B4GALNT3: variants seen among roughly 807,000 people sequenced by gnomAD.
The protein encoded by B4GALNT3 is beta-1,4-N-acetyl-galactosaminyltransferase 3, also known as beta-1,4-N-acetylgalactosaminyltransferase 3.
A neutral mutation model predicts 120.2 loss-of-function variants in B4GALNT3; 86 were observed. The observed-to-expected ratio is 0.72, with a 90% CI of 0.60 to 0.86. The LOEUF is 0.86. Among genes scored for constraint, B4GALNT3 ranks in the 40% least tolerant of loss-of-function variants. The probability of loss-of-function intolerance (pLI) is 0.00; values close to 1 mark genes in which losing one functional copy is unlikely to be tolerated. For synonymous variants in B4GALNT3, 518 were observed against 510.4 expected (o/e 1.01, Z -0.20); for missense variants, 1,167 against 1,298.9 (o/e 0.90, Z 1.56).
chr12:553,754 G>C lies in B4GALNT3; in HGVS notation c.1831G>C (p.Glu611Gln). The part of the protein sequence containing the change: ...GQVEGEEEGE[E>Q]EEEEEDMSEV... ...AGTGGAGGGAGAGGAAGAGGGGGAAGAAGAGGAGGAGGAAGAGGATATGAG... is the reference window on the plus strand; with the variant it reads ...AGTGGAGGGAGAGGAAGAGGGGGAACAAGAGGAGGAGGAAGAGGATATGAG... Residue 611 changes from glutamate (E) to glutamine (Q), a missense_variant, in exon 14 of 20, where the codon GAA becomes CAA. Transcript: ENST00000266383. 6.2e-7 allele frequency: 1 copy of C among 1,614,224 alleles called. No individual in the cohort carries two copies. The highest frequency in any genetic ancestry group is 8.5e-7 in the Non-Finnish European group (1 of 1,180,008).
intron 1 of B4GALNT3, among the ~76,000 whole-genome samples, chr12:506,882 C>T (rs552174704): frequency 3.3e-5 from 5 of 152,310 alleles, no homozygotes; most frequent in East Asian, 1.9e-4. Flanking sequence ...GTGATCCGCC[C>T]GCCTCGGCCT....
At chr12:509,470 C>T (rs759681558) in intron 1 of B4GALNT3, among the ~76,000 whole-genome samples, 4 of 152,206 alleles carry the variant, frequency 2.6e-5, no homozygotes, top group African/African-American at 4.8e-5. Flanking sequence ...AACCCGGATA[C>T]GGAATAGGAG....
intron 1 of B4GALNT3, among the ~76,000 whole-genome samples, chr12:526,884 C>T (rs1946763475): frequency 6.6e-6 from 1 of 152,070 alleles, no homozygotes; most frequent in Admixed American, 6.6e-5. Context: ...CTTCTTACCT[C>T]CTCTCCTTAT....
At chr12:522,703 G>A (rs565098834) in intron 1 of B4GALNT3, among the ~76,000 whole-genome samples, 42 of 152,142 alleles carry the variant, frequency 2.8e-4, no homozygotes, top group South Asian at 6.2e-4. Context: ...GAGAGGCCAC[G>A]AAGGGAGGAT....
intron 14 of B4GALNT3, among the ~76,000 whole-genome samples, chr12:555,895 T>C (rs963348796): frequency 6.6e-6 from 1 of 152,134 alleles, no homozygotes; most frequent in African/African-American, 2.4e-5. Context: ...GCCATTCTCC[T>C]GCCTCAGCCT....
At chr12:526,513 C>T (rs1315297654) in intron 1 of B4GALNT3, among the ~76,000 whole-genome samples, 1 of 152,208 alleles carries the variant, frequency 6.6e-6, no homozygotes, top group Non-Finnish European at 1.5e-5. Flanking sequence ...TGGGCTCCGG[C>T]CAGTCTTAGA....
chr12:495,453 A>C (rs1282976387), intron 1 of B4GALNT3, among the ~76,000 whole-genome samples: 1 of 152,216 alleles, frequency 6.6e-6, no homozygotes, highest in African/African-American at 2.4e-5. Context: ...TAAGAAACAA[A>C]AGGGTCATCT....
chr12:559,506 TC>T (rs1335360684), intron 19 of B4GALNT3, 85 bp downstream of exon 19: 7 of 1,563,796 alleles, frequency 4.5e-6, no homozygotes, highest in African/African-American at 1.4e-5. Context: ...AGCCTAGCTG[TC>T]CCCCTCGGCC....
At chr12:481,241 AG>A (rs2120473081) in intron 1 of B4GALNT3, among the ~76,000 whole-genome samples, 1 of 152,304 alleles carries the variant, frequency 6.6e-6, no homozygotes, top group African/African-American at 2.4e-5. Flanking sequence ...AGGTCAACTA[AG>A]GGGATGAGCA....
At position 556,614 on chromosome 12, in the gene B4GALNT3, C is replaced by T. The variant is rs1391631855; in HGVS notation, c.2128C>T (p.Leu710Phe). 5.6e-6 allele frequency: 9 copies of T among 1,613,936 alleles called. No homozygotes were observed. The highest frequency in any genetic ancestry group is 7.6e-6 in the Non-Finnish European group (9 of 1,180,054). Residue 710 changes from leucine (L) to phenylalanine (F), a missense_variant, in exon 15 of 20, where the codon CTC (leucine) becomes TTC (phenylalanine). Transcript: ENST00000266383. The stretch of plus-strand genomic sequence containing the variant: ...GGACCAGCTACGTGGGGGTCGCTAC[C>T]TCCTGGAGCTTGAACTGTTGGAACA... ...RQDQLRGGRYLLELELLEQGQ... is the reference protein window; with the variant it reads ...RQDQLRGGRYFLELELLEQGQ...
chr12:516,198 T>G (rs1946653854), intron 1 of B4GALNT3, among the ~76,000 whole-genome samples: 1 of 151,158 alleles, frequency 6.6e-6, no homozygotes, highest in Non-Finnish European at 1.5e-5. Flanking sequence ...AAAGTATATG[T>G]GTGGGGAGAA....
At chr12:462,140 G>A (rs1368015402) in intron 1 of B4GALNT3, among the ~76,000 whole-genome samples, 1 of 152,038 alleles carries the variant, frequency 6.6e-6, no homozygotes, top group Admixed American at 6.6e-5. Context: ...GACAGAGAGT[G>A]AATCTATTCT....
In B4GALNT3 at chr12:561,482, C is replaced by T. The variant is rs1211551792; in HGVS notation, c.*31C>T. The T allele has an allele frequency of 6.5e-7, 1 of 1,529,198 alleles. No individual in the cohort carries two copies. Among genetic ancestry groups the T allele is most frequent in the East Asian group, 2.3e-5 (1 of 44,014 alleles). 94.7% of individuals were successfully genotyped at this position (1,529,198 alleles called of 1,614,324 possible). On this transcript the variant is annotated 3_prime_UTR_variant, in exon 20 of 20. Coordinates refer to ENST00000266383, the MANE Select transcript of B4GALNT3 (RefSeq NM_173593.4). ...GGGTGTCCGCGGGGCCCAGCACTCC[C>T]CGCTCTGGACTAGCAGTGGCTCCCC... is the stretch of plus-strand genomic sequence containing the variant.
chr12:525,180 C>T (rs1565602574), intron 1 of B4GALNT3, among the ~76,000 whole-genome samples: 1 of 151,794 alleles, frequency 6.6e-6, no homozygotes, highest in South Asian at 2.1e-4. Context: ...GTGATCTCGG[C>T]TCACTGCAAT....
intron 1 of B4GALNT3, among the ~76,000 whole-genome samples, chr12:491,518 G>C (rs567110453): frequency 6.6e-6 from 1 of 151,442 alleles, no homozygotes; most frequent in African/African-American, 2.4e-5. Context: ...TTGTAGAGAC[G>C]GGGTTTTGCC....
chr12:504,558 C>G (rs1946478335), intron 1 of B4GALNT3, among the ~76,000 whole-genome samples: 1 of 151,742 alleles, frequency 6.6e-6, no homozygotes, highest in Admixed American at 6.6e-5. Flanking sequence ...CTCCCGGGCC[C>G]AAGCCATCCT....
At chr12:511,455 T>TCCACCTTCCACCTTCTTCCAC (rs1555154921) in intron 1 of B4GALNT3, among the ~76,000 whole-genome samples, 1 of 41,974 alleles carries the variant, frequency 2.4e-5, no homozygotes, top group African/African-American at 1.6e-4. Context: ...CCTTCCACCT[T>TCCACCTTCCACCTTCTTCCAC]CTTCCACCTT....
chr12:544,741 A>T, intron 4 of B4GALNT3, 141 bp from the exon 5 acceptor site: 1 of 789,264 alleles, frequency 1.3e-6, no homozygotes, highest in South Asian at 1.8e-5. Flanking sequence ...TGGGAACTGA[A>T]ATTGAGCCTG....
chr12:523,897 T>C (rs1352709625), intron 1 of B4GALNT3, among the ~76,000 whole-genome samples: 5 of 151,986 alleles, frequency 3.3e-5, no homozygotes. Flanking sequence ...CCGTCTCTAC[T>C]AAAAACACAA....
Sources: gnomAD v4.1 joint callset for allele counts (sites outside exome capture counted in the v4.1 genomes callset) on GRCh38, gnomAD v4.1.1 for gene constraint, MANE v1.5 for transcripts, NCBI Gene and HGNC (gene_info 2026-07-23, HGNC 2026-07-21) for gene names.